Variants in DENND1A observed in about 807,000 individuals in gnomAD.
The protein encoded by DENND1A is DENN domain containing 1A, also known as DENN domain-containing protein 1A.
In DENND1A, 51 loss-of-function variants were observed where a neutral mutation model predicts 113.7. The observed-to-expected ratio is 0.45, with a 90% CI of 0.36 to 0.57. The LOEUF is 0.57. DENND1A is among the 20% of genes least tolerant of loss of function. The pLI is 0.00. For missense variants in DENND1A, 1,258 were observed against 1,395.9 expected (o/e 0.90, Z 1.57); for synonymous variants, 565 against 570.8 (o/e 0.99, Z 0.14).
chr9:123,413,423 A>T (rs754785135), intron 19 of DENND1A: 22 of 985,226 alleles, frequency 2.2e-5, no homozygotes, highest in Non-Finnish European at 2.7e-5. Flanking sequence ...GACAGTGCTG[A>T]TATAGGGCTC....
chr9:123,749,336 T>C (rs1172221498), intron 5 of DENND1A, among the ~76,000 whole-genome samples: 2 of 152,226 alleles, frequency 1.3e-5, no homozygotes, highest in Non-Finnish European at 2.9e-5. Flanking sequence ...ACTAAGTATA[T>C]ACATATAGAA....
chr9:123,426,920 C>T (rs1275214496), intron 19 of DENND1A, among the ~76,000 whole-genome samples: 1 of 152,188 alleles, frequency 6.6e-6, no homozygotes, highest in Non-Finnish European at 1.5e-5. Flanking sequence ...ATCTCAGACA[C>T]AGCCTGAAGA....
chr9:123,794,299 C>A (rs759566365), intron 2 of DENND1A, among the ~76,000 whole-genome samples: 1 of 151,996 alleles, frequency 6.6e-6, no homozygotes, highest in African/African-American at 2.4e-5. Context: ...GAACAAGGGG[C>A]CTAAAAAAGA....
intron 13 of DENND1A, among the ~76,000 whole-genome samples, chr9:123,497,314 T>C (rs1296124705): frequency 6.6e-6 from 1 of 152,182 alleles, no homozygotes; most frequent in Admixed American, 6.5e-5. Flanking sequence ...AAGGCTCTTT[T>C]ATTTACTTAT....
Position 123,431,967 on chromosome 9 carries a change from T to C in DENND1A, c.1488+8393A>G, listed in dbSNP as rs548229125. On this transcript the variant is annotated intron_variant, in intron 19 of 23. Coordinates refer to ENST00000394215, the MANE Select transcript of DENND1A (RefSeq NM_001352964.2). ...AACATGAACTTGGGCTGAACAGAGG[T>C]GGTACAGCTTAGAGAGCAAACTACT... Among the ~76,000 whole-genome samples, 13 of 152,200 alleles carry C rather than the reference T, an allele frequency of 8.5e-5. 1 individual carries two copies. The highest frequency in any genetic ancestry group is 7.8e-4 in the Admixed American group (12 of 15,294).
Position 123,671,317 on chromosome 9 carries a change from G to A in DENND1A, c.427C>T (p.Pro143Ser), listed in dbSNP as rs2063752886. The change falls in exon 7 of 24, where the codon CCA (proline) becomes TCA (serine). Residue 143 changes from proline to serine, a missense_variant. By Grantham distance (74) the Pro-to-Ser change is moderately conservative. Coordinates refer to ENST00000394215, the MANE Select transcript of DENND1A (RefSeq NM_001352964.2). ...ACGCTGAGATGGACAGACACTCCTG[G>A]GTCAGGGATGGGAAGTTTGTGCAGA... ...ETLHKLPIPD[P>S]GVSVHLSVHS... 6.2e-7 allele frequency: 1 copy of A among 1,613,956 alleles called. No individual in the cohort carries two copies. The highest frequency in any genetic ancestry group is 2.2e-5 in the East Asian group (1 of 44,882).
At chr9:123,916,311 G>A (rs1197135122) in intron 1 of DENND1A, among the ~76,000 whole-genome samples, 1 of 151,272 alleles carries the variant, frequency 6.6e-6, no homozygotes, top group African/African-American at 2.4e-5. Flanking sequence ...AGTATACATG[G>A]AATGCTATCA....
chr9:123,827,359 T>G (rs1839496411), intron 2 of DENND1A, among the ~76,000 whole-genome samples: 1 of 149,300 alleles, frequency 6.7e-6, no homozygotes. Context: ...AAGATTTTGT[T>G]GTGACCTTGA....
intron 19 of DENND1A, among the ~76,000 whole-genome samples, chr9:123,433,655 CTTTTT>C (rs940541125): frequency 1.3e-5 from 2 of 150,668 alleles, no homozygotes; most frequent in African/African-American, 5.0e-5. Flanking sequence ...AAGCTTTTTT[CTTTTT>C]TCTTTTTTTT....
At chr9:123,905,763 C>CTT (rs1852691675) in intron 1 of DENND1A, among the ~76,000 whole-genome samples, 2 of 150,110 alleles carry the variant, frequency 1.3e-5, no homozygotes, top group African/African-American at 4.9e-5. Context: ...TAATGGGAGA[C>CTT]TTTAACACCC....
chr9:123,824,982 G>C (rs1288325890), intron 2 of DENND1A, among the ~76,000 whole-genome samples: 1 of 152,032 alleles, frequency 6.6e-6, no homozygotes, highest in Non-Finnish European at 1.5e-5. Context: ...GGCCTTCTAA[G>C]AAAGAAAGCT....
chr9:123,612,636 A>C (rs1234146066), intron 10 of DENND1A, among the ~76,000 whole-genome samples: 1 of 152,216 alleles, frequency 6.6e-6, no homozygotes, highest in Non-Finnish European at 1.5e-5. Flanking sequence ...GATGTATCAT[A>C]ATTTATCGAA....
At chr9:123,699,373 T>TACATTTA (rs1417371055) in intron 5 of DENND1A, among the ~76,000 whole-genome samples, 2 of 152,094 alleles carry the variant, frequency 1.3e-5, no homozygotes, top group African/African-American at 4.8e-5. Flanking sequence ...TAAAAATATA[T>TACATTTA]ACATTTAAGT....
intron 4 of DENND1A, among the ~76,000 whole-genome samples, chr9:123,766,228 C>T (rs1414879472): frequency 1.3e-5 from 2 of 152,188 alleles, no homozygotes; most frequent in African/African-American, 2.4e-5. Flanking sequence ...AGACTCAATA[C>T]AAGTCTCCCC....
intron 2 of DENND1A, among the ~76,000 whole-genome samples, chr9:123,866,764 T>C (rs751269214): frequency 1.3e-5 from 2 of 152,222 alleles, no homozygotes; most frequent in Non-Finnish European, 2.9e-5. Context: ...GCCAAGTAGA[T>C]AGAAGTCCCA....
chr9:123,639,087 AAAAG>A (rs2061883009), intron 9 of DENND1A, among the ~76,000 whole-genome samples: 1 of 150,504 alleles, frequency 6.6e-6, no homozygotes, highest in Non-Finnish European at 1.5e-5. Flanking sequence ...AAAAAAAAGA[AAAAG>A]AAAAAGAAAA....
chr9:123,863,998 A>G (rs1238140938), intron 2 of DENND1A, among the ~76,000 whole-genome samples: 1 of 151,954 alleles, frequency 6.6e-6, no homozygotes. Flanking sequence ...TCAAAAAAAA[A>G]AAACACACAG....
intron 11 of DENND1A, among the ~76,000 whole-genome samples, chr9:123,592,481 C>G (rs1303787457): frequency 6.6e-6 from 1 of 152,150 alleles, no homozygotes; most frequent in Non-Finnish European, 1.5e-5. Context: ...GAGATAAAAA[C>G]AGCACTGACA....
chr9:123,515,652 T>C (rs993061577), intron 13 of DENND1A, among the ~76,000 whole-genome samples: 1 of 152,206 alleles, frequency 6.6e-6, no homozygotes, highest in Non-Finnish European at 1.5e-5. Context: ...AAAGAAAATG[T>C]CAAATTTTTA....
Sources: gnomAD v4.1 joint callset for allele counts (sites outside exome capture counted in the v4.1 genomes callset) on GRCh38, gnomAD v4.1.1 for gene constraint, MANE v1.5 for transcripts, NCBI Gene and HGNC (gene_info 2026-07-23, HGNC 2026-07-21) for gene names.